Variants in TUBA1C observed in about 807,000 individuals in gnomAD.
TUBA1C encodes the protein tubulin alpha 1c, also known as tubulin alpha-1C chain.
A neutral mutation model predicts 34.9 loss-of-function variants in TUBA1C; 16 were observed. The observed-to-expected ratio is 0.46, with a 90% CI of 0.31 to 0.70. The LOEUF is 0.70. TUBA1C is among the 30% of genes least tolerant of loss of function. TUBA1C has a pLI of 0.05. For synonymous variants in TUBA1C, 177 were observed against 215.9 expected, an observed-to-expected ratio of 0.82 and a Z score of 1.58; for missense variants, 329 against 587.3, an observed-to-expected ratio of 0.56 and a Z score of 4.55.
chr12:49,271,019 TA>T (rs1262980023), intron 3 of TUBA1C, among the ~76,000 whole-genome samples: 1 of 152,170 alleles, frequency 6.6e-6, no homozygotes, highest in Non-Finnish European at 1.5e-5. Context: ...GCTTTAGTTA[TA>T]AGCACTGACT....
At chr12:49,265,791 T>C (rs528973777) in intron 1 of TUBA1C, among the ~76,000 whole-genome samples, 1 of 152,272 alleles carries the variant, frequency 6.6e-6, no homozygotes, top group African/African-American at 2.4e-5. Context: ...AATCTAGTGG[T>C]AGGTTTATAG....
At chr12:49,258,825 C>A (rs1265866903) in intron 1 of TUBA1C, among the ~76,000 whole-genome samples, 2 of 150,676 alleles carry the variant, frequency 1.3e-5, no homozygotes, top group Non-Finnish European at 3.0e-5. Flanking sequence ...GGCACACTCT[C>A]GGCTCACTGC....
intron 1 of TUBA1C, among the ~76,000 whole-genome samples, chr12:49,252,499 G>C (rs1942740958): frequency 6.6e-6 from 1 of 152,220 alleles, no homozygotes; most frequent in Non-Finnish European, 1.5e-5. Context: ...AGGGTGAAAA[G>C]TCATGAACTG....
At chr12:49,267,761 G>A (rs531760853) in intron 1 of TUBA1C, among the ~76,000 whole-genome samples, 1 of 152,302 alleles carries the variant, frequency 6.6e-6, no homozygotes, top group South Asian at 2.1e-4. Context: ...TGCTGATGTG[G>A]TTAAGAGACC....
At chr12:49,238,109 CAA>C (rs759147395) in intron 1 of TUBA1C, among the ~76,000 whole-genome samples, 15 of 103,758 alleles carry the variant, frequency 1.4e-4, no homozygotes, top group African/African-American at 3.7e-4. Flanking sequence ...GATTCCGCCT[CAA>C]AAAAAAAAAA....
chr12:49,240,035 GACACACACACACACACACAC>G (rs5798100), intron 1 of TUBA1C, among the ~76,000 whole-genome samples: 1 of 138,786 alleles, frequency 7.2e-6, no homozygotes, highest in Non-Finnish European at 1.6e-5. Flanking sequence ...TCAGAGCACA[GACACACACACACACACACAC>G]ACACACACAC....
chr12:49,239,411 C>T (rs189113846), intron 1 of TUBA1C, among the ~76,000 whole-genome samples: 135 of 152,126 alleles, frequency 8.9e-4, no homozygotes, highest in Admixed American at 8.2e-3. Context: ...GAGGCCGAAG[C>T]GGGCGGATCA....
intron 1 of TUBA1C, among the ~76,000 whole-genome samples, chr12:49,269,178 G>A (rs550879548): frequency 1.3e-5 from 2 of 152,146 alleles, no homozygotes; most frequent in African/African-American, 2.4e-5. Context: ...TCCTCCCTCA[G>A]CCTCCCAAGT....
At chr12:49,247,451 G>A (rs1942682511) in intron 1 of TUBA1C, among the ~76,000 whole-genome samples, 1 of 152,028 alleles carries the variant, frequency 6.6e-6, no homozygotes, top group Non-Finnish European at 1.5e-5. Context: ...CAGCTACTCA[G>A]GAGGCTGATT....
chr12:49,240,623 T>A (rs913123806), intron 1 of TUBA1C, among the ~76,000 whole-genome samples: 6 of 152,200 alleles, frequency 3.9e-5, no homozygotes, highest in Non-Finnish European at 7.3e-5. Flanking sequence ...GGTCTCTCTC[T>A]GTCACCCATG....
chr12:49,238,382 C>T (rs1456374852), intron 1 of TUBA1C, among the ~76,000 whole-genome samples: 1 of 152,152 alleles, frequency 6.6e-6, no homozygotes, highest in Non-Finnish European at 1.5e-5. Flanking sequence ...CACCAACAAT[C>T]AATCAGTTCT....
intron 1 of TUBA1C, among the ~76,000 whole-genome samples, chr12:49,253,132 A>G (rs1292777717): frequency 2.6e-5 from 4 of 151,638 alleles, no homozygotes; most frequent in African/African-American, 9.7e-5. Flanking sequence ...TGGGAAAGTG[A>G]AAAATTAAGG....
chr12:49,231,208 A>C (rs546177756), intron 1 of TUBA1C, among the ~76,000 whole-genome samples: 2 of 152,210 alleles, frequency 1.3e-5, no homozygotes, highest in Non-Finnish European at 2.9e-5. Context: ...TCTATTGCCC[A>C]GGCTGTAGTG....
In TUBA1C at chr12:49,273,679, C is replaced by CT. The variant is rs1943026147; in HGVS notation, c.*454dup. On this transcript the variant is annotated 3_prime_UTR_variant, in exon 4 of 4. Transcript: ENST00000301072. ...ATTATAGGCATGAGCCACTGCCCAG[C>CT]TTCTTGGTTTATCTGTTTAATTTGG... 1 of 221,088 alleles carries CT rather than the reference C, an allele frequency of 4.5e-6. No homozygotes were observed. Among genetic ancestry groups the CT allele is most frequent in the African/African-American group, 2.3e-5 (1 of 43,416 alleles). 13.7% of individuals were successfully genotyped at this position (221,088 alleles called of 1,614,324 possible). A position where few individuals can be genotyped will look rare whatever the true frequency, so the allele number is the denominator to read the frequency against.
At chr12:49,248,080 T>C (rs1942691588) in intron 1 of TUBA1C, among the ~76,000 whole-genome samples, 1 of 149,102 alleles carries the variant, frequency 6.7e-6, no homozygotes, top group Admixed American at 6.7e-5. Flanking sequence ...ATCGAGACCA[T>C]CCTGGCCAAC....
chr12:49,258,892 G>C (rs1370382163), intron 1 of TUBA1C, among the ~76,000 whole-genome samples: 3 of 151,428 alleles, frequency 2.0e-5, no homozygotes, highest in Non-Finnish European at 4.4e-5. Context: ...GAGTAGCTGG[G>C]ATTACAGGCA....
chr12:49,266,621 G>A (rs546709235), intron 1 of TUBA1C, among the ~76,000 whole-genome samples: 1 of 152,218 alleles, frequency 6.6e-6, no homozygotes, highest in South Asian at 2.1e-4. Context: ...GTCCGAGGCG[G>A]GAGGACCGCT....
At chr12:49,237,691 G>A (rs745593116) in intron 1 of TUBA1C, among the ~76,000 whole-genome samples, 1 of 150,386 alleles carries the variant, frequency 6.6e-6, no homozygotes, top group African/African-American at 2.4e-5. Flanking sequence ...GGTGCAGTGA[G>A]TATGATCGCG....
At chr12:49,241,649 T>C (rs905413824) in intron 1 of TUBA1C, among the ~76,000 whole-genome samples, 5 of 144,850 alleles carry the variant, frequency 3.5e-5, no homozygotes, top group South Asian at 2.5e-4. Context: ...TCCCTTCCTT[T>C]CTTCCTTCCT....
Sources: allele counts gnomAD v4.1 joint callset (sites outside exome capture counted in the v4.1 genomes callset), GRCh38; gene constraint gnomAD v4.1.1; transcripts MANE v1.5; gene names NCBI Gene and HGNC (gene_info 2026-07-23, HGNC 2026-07-21).